The following INPP5A variants were observed in gnomAD, a reference collection of about 807,000 sequenced individuals.
INPP5A encodes the protein inositol polyphosphate-5-phosphatase A.
A neutral mutation model predicts 65.2 loss-of-function variants in INPP5A; 14 were observed. The ratio of observed to expected loss-of-function variants is 0.21; its 90% confidence interval spans 0.14 to 0.34. The LOEUF (loss-of-function observed/expected upper bound fraction) is 0.34, where lower values mean the gene tolerates loss of function less well. Among genes scored for constraint, INPP5A ranks in the 10% least tolerant of loss-of-function variants. The probability of loss-of-function intolerance (pLI) is 1.00; values close to 1 mark genes in which losing one functional copy is unlikely to be tolerated. For synonymous variants in INPP5A, 207 were observed against 208.3 expected, an observed-to-expected ratio of 0.99 and a Z score of 0.05; for missense variants, 431 against 545.6, an observed-to-expected ratio of 0.79 and a Z score of 2.09.
intron 1 of INPP5A, among the ~76,000 whole-genome samples, chr10:132,593,206 C>A (rs1472628831): frequency 2.0e-5 from 3 of 152,190 alleles, no homozygotes; most frequent in Non-Finnish European, 2.9e-5. Flanking sequence ...CTGCCTGACA[C>A]TTTCACCTTT....
At chr10:132,618,800 T>C (rs2072076163) in intron 2 of INPP5A, among the ~76,000 whole-genome samples, 1 of 151,934 alleles carries the variant, frequency 6.6e-6, no homozygotes, top group Non-Finnish European at 1.5e-5. Flanking sequence ...AGAGAGCGAG[T>C]GGGGATGAAG....
At chr10:132,669,769 A>G (rs2072858582) in intron 4 of INPP5A, among the ~76,000 whole-genome samples, 1 of 152,046 alleles carries the variant, frequency 6.6e-6, no homozygotes, top group South Asian at 2.1e-4. Context: ...GGTAGATGCC[A>G]TTGGGATTTT....
Position 132,634,738 on chromosome 10 carries a change from T to C in INPP5A, c.118-11130T>C, listed in dbSNP as rs561080716. On this transcript the variant is annotated intron_variant, in intron 2 of 15. Coordinates refer to ENST00000368594, the MANE Select transcript of INPP5A (RefSeq NM_005539.5). ...AGAGTTGTCTCGGTCATCACGAATG[T>C]TCTTCTTCGTCTCCTGGAGCCTTGG... is the stretch of plus-strand genomic sequence containing the variant. Among the ~76,000 whole-genome samples the C allele has an allele frequency of 3.9e-5, 6 of 152,374 alleles. No individual in the cohort carries two copies. In the East Asian group the frequency reaches 1.2e-3, roughly 29 times the overall value.
At chr10:132,576,181 G>A (rs879388810) in intron 1 of INPP5A, among the ~76,000 whole-genome samples, 6 of 152,216 alleles carry the variant, frequency 3.9e-5, no homozygotes, top group Admixed American at 6.5e-5. Flanking sequence ...TGAGGGAGCC[G>A]TGGTCCGGGG....
rs1375120675 is a variant in INPP5A at position 132,607,790 on chromosome 10, T to C, written c.76-125T>C. 2.0e-5 allele frequency: 19 copies of C among 931,578 alleles called. No individual in the cohort carries two copies. The East Asian group carries it at 2.9e-4, about 14-fold the overall frequency. The allele number at this position is 931,578 out of a possible 1,614,324, so 57.7% of individuals were successfully genotyped here. The stretch of plus-strand genomic sequence containing the variant: ...TCCCCGTGCGGGTGGAGCTCCTCCA[T>C]GCGGGGTGGGCCCGGGCTGCGCCTC... On this transcript the variant is annotated intron_variant, in intron 1 of 15. Transcript: ENST00000368594.
chr10:132,543,374 C>T (rs1432571365), intron 1 of INPP5A, among the ~76,000 whole-genome samples: 6 of 152,126 alleles, frequency 3.9e-5, no homozygotes, highest in Non-Finnish European at 8.8e-5. Context: ...TAAAAGTGTC[C>T]ATGCTGCAGC....
chr10:132,611,014 G>A (rs1373744539), intron 2 of INPP5A, among the ~76,000 whole-genome samples: 1 of 150,188 alleles, frequency 6.7e-6, no homozygotes, highest in Non-Finnish European at 1.5e-5. Context: ...GGAGGGAGGT[G>A]ACGTGGGCAG....
At chr10:132,577,825 G>A (rs971587575) in intron 1 of INPP5A, among the ~76,000 whole-genome samples, 1 of 152,208 alleles carries the variant, frequency 6.6e-6, no homozygotes, top group Non-Finnish European at 1.5e-5. Flanking sequence ...GCCCATGGGC[G>A]CTGCTCTCGG....
chr10:132,647,004 C>T (rs926346788), intron 3 of INPP5A, among the ~76,000 whole-genome samples: 5 of 152,176 alleles, frequency 3.3e-5, no homozygotes, highest in Admixed American at 6.5e-5. Context: ...ATAAGCCCTC[C>T]GTGTTGAACT....
At chr10:132,694,025 A>G (rs553790115) in intron 5 of INPP5A, among the ~76,000 whole-genome samples, 81 of 152,330 alleles carry the variant, frequency 5.3e-4, no homozygotes, top group Non-Finnish European at 9.3e-4. Context: ...CATCAAACAA[A>G]TTGATCTAAT....
At chr10:132,541,406 G>C (rs1428645541) in intron 1 of INPP5A, among the ~76,000 whole-genome samples, 1 of 152,208 alleles carries the variant, frequency 6.6e-6, no homozygotes, top group Non-Finnish European at 1.5e-5. Flanking sequence ...TGTGACCCCA[G>C]ATTGGCCATG....
intron 2 of INPP5A, among the ~76,000 whole-genome samples, chr10:132,611,628 A>G (rs538125312): frequency 2.3e-4 from 23 of 102,084 alleles, no homozygotes; most frequent in African/African-American, 9.0e-4. Flanking sequence ...AGGCCCTGTC[A>G]GGGGAGGGTG....
rs1447808786 is a variant in INPP5A at position 132,749,818 on chromosome 10, G to A, written c.876G>A (p.Glu292=). ...AACTCTTCGACTACTTCAACCAGGA[G>A]GTTTTCCGAGACAACAACGGCACCG... The part of the protein sequence containing the change: ...EKKLFDYFNQ[E]VFRDNNGTAL... The change falls in exon 11 of 16, where the codon GAG becomes GAA. Residue 292 remains glutamate, a synonymous_variant. Transcript: ENST00000368594. The A allele has an allele frequency of 7.4e-6, 12 of 1,613,298 alleles. No individual in the cohort carries two copies. Among genetic ancestry groups the A allele is most frequent in the South Asian group, 1.1e-5 (1 of 91,086 alleles).
Position 132,585,913 on chromosome 10 carries a change from G to A in INPP5A, c.76-22002G>A, listed in dbSNP as rs140387612. Among the ~76,000 whole-genome samples, 108 of 152,326 alleles carry A rather than the reference G, an allele frequency of 7.1e-4. 1 individual carries two copies. The highest frequency in any genetic ancestry group is 2.5e-3 in the African/African-American group (102 of 41,570). ...ATGACACTGCAGCCTCTGTCCAAGC[G>A]TGGATCCCACCCTGAGGGTGCTGTG... is the stretch of plus-strand genomic sequence containing the variant. On this transcript the variant is annotated intron_variant, in intron 1 of 15. Coordinates refer to ENST00000368594, the MANE Select transcript of INPP5A (RefSeq NM_005539.5).
intron 9 of INPP5A, among the ~76,000 whole-genome samples, chr10:132,735,742 A>T (rs1846164805): frequency 1.3e-5 from 2 of 152,218 alleles, no homozygotes; most frequent in African/African-American, 4.8e-5. Flanking sequence ...CAGCAATGGG[A>T]GGCCGGGCAG....
chr10:132,680,241 C>T (rs1055105892), intron 4 of INPP5A, among the ~76,000 whole-genome samples: 6 of 152,088 alleles, frequency 3.9e-5, no homozygotes, highest in East Asian at 3.9e-4. Flanking sequence ...TAGAGAACTC[C>T]GAAAACTCAA....
rs1311960679 is a variant in INPP5A, at chr10:132,727,636, G to T, written c.732+731G>T. On this transcript the variant is annotated intron_variant, in intron 9 of 15. Coordinates refer to ENST00000368594, the MANE Select transcript of INPP5A (RefSeq NM_005539.5). The surrounding 1 kb of genome is among the most constrained non-coding windows in gnomAD (Gnocchi z 6.5). ...TTCCCGGGCAGCTGTGAAGAGGGGG[G>T]TGTGGGAAATGGTGGAGCACCTGTT... 2.6e-5 allele frequency among the ~76,000 whole-genome samples: 4 copies of T among 152,228 alleles called. No homozygotes were observed. The highest frequency in any genetic ancestry group is 6.5e-5 in the Admixed American group (1 of 15,284).
At chr10:132,719,738 A>G (rs985259798) in intron 8 of INPP5A, among the ~76,000 whole-genome samples, 2 of 126,898 alleles carry the variant, frequency 1.6e-5, no homozygotes, top group African/African-American at 6.0e-5. Context: ...GGCTGTCTTC[A>G]GGGTTCTGTG....
intron 9 of INPP5A, among the ~76,000 whole-genome samples, chr10:132,735,532 C>T (rs922854011): frequency 8.5e-5 from 13 of 152,230 alleles, no homozygotes; most frequent in Non-Finnish European, 1.6e-4. Flanking sequence ...TCAGAAACCA[C>T]GGCTGGCCTG....
Sources: allele counts gnomAD v4.1 joint callset (sites outside exome capture counted in the v4.1 genomes callset), GRCh38; gene constraint gnomAD v4.1.1; non-coding constraint Gnocchi (gnomAD v3.1); transcripts MANE v1.5; gene names NCBI Gene and HGNC (gene_info 2026-07-23, HGNC 2026-07-21).